KCNT2: variants seen among roughly 807,000 people sequenced by gnomAD.
The protein encoded by KCNT2 is potassium sodium-activated channel subfamily T member 2.
A neutral mutation model predicts 153.8 loss-of-function variants in KCNT2; 67 were observed. That is an observed-to-expected ratio of 0.44 (90% CI 0.36 to 0.53). KCNT2 has a LOEUF of 0.53. KCNT2 is among the 20% of genes least tolerant of loss of function. The pLI, the probability that KCNT2 is intolerant of heterozygous loss-of-function variation, is 0.00. For synonymous variants in KCNT2, 500 were observed against 458.8 expected (o/e 1.09, Z -1.15); for missense variants, 975 against 1,354.8 (o/e 0.72, Z 4.40).
chr1:196,244,288 A>G (rs548324603), intron 26 of KCNT2, among the ~76,000 whole-genome samples: 18 of 152,182 alleles, frequency 1.2e-4, no homozygotes, highest in Non-Finnish European at 2.5e-4. Flanking sequence ...GGTTATAGCA[A>G]GAGATTCCTT....
rs182513850 is a variant in KCNT2, at chr1:196,430,364, C to T, written c.639-607G>A. On this transcript the variant is annotated intron_variant, in intron 8 of 27. Transcript: ENST00000294725. ...AATGTTGGTATCCTGGGAATGGGCT[C>T]CCTCACAAGATCGATCTCTCTCTCT... Among the ~76,000 whole-genome samples the T allele has an allele frequency of 2.2e-3, 340 of 151,208 alleles. 5 individuals carry two copies. The highest frequency in any genetic ancestry group is 7.9e-3 in the African/African-American group (324 of 41,262).
chr1:196,288,107 T>C (rs1228868091), intron 22 of KCNT2, among the ~76,000 whole-genome samples: 1 of 151,032 alleles, frequency 6.6e-6, no homozygotes, highest in East Asian at 1.9e-4. Flanking sequence ...ATGTCCAGCA[T>C]GTTCTCTAGT....
chr1:196,604,375 A>T (rs10754198), intron 1 of KCNT2, among the ~76,000 whole-genome samples: 45,398 of 152,030 alleles, frequency 0.3, 6,987 homozygotes, highest in Admixed American at 0.39. Flanking sequence ...CAAACATTCA[A>T]ATATTAGCTG....
chr1:196,349,595 C>A (rs1247481601), intron 14 of KCNT2, among the ~76,000 whole-genome samples: 5 of 152,122 alleles, frequency 3.3e-5, no homozygotes. Context: ...CCTAGCGGTA[C>A]ACCCTATAGA....
chr1:196,597,268 T>C (rs1407641002), intron 1 of KCNT2, among the ~76,000 whole-genome samples: 1 of 142,696 alleles, frequency 7.0e-6, no homozygotes, highest in Non-Finnish European at 1.6e-5. Flanking sequence ...CCACCTACAC[T>C]AAAAAAAAAA....
intron 8 of KCNT2, among the ~76,000 whole-genome samples, chr1:196,446,330 TA>T (rs1485278088): frequency 6.6e-6 from 1 of 151,546 alleles, no homozygotes; most frequent in East Asian, 1.9e-4. Flanking sequence ...GTCATTATTC[TA>T]ATTGTCTTTA....
intron 1 of KCNT2, among the ~76,000 whole-genome samples, chr1:196,547,623 T>G (rs1657281654): frequency 6.6e-6 from 1 of 151,970 alleles, no homozygotes; most frequent in South Asian, 2.1e-4. Flanking sequence ...TCAGTAAAAT[T>G]CTTTCTTACC....
At position 196,593,309 on chromosome 1, in the gene KCNT2, T is replaced by C. The variant is rs868555464; in HGVS notation, c.95+14906A>G. Among the ~76,000 whole-genome samples the C allele has an allele frequency of 3.7e-3, 466 of 126,670 alleles. 3 individuals are homozygous for C. Among genetic ancestry groups the C allele is most frequent in the African/African-American group, 0.017 (450 of 26,666 alleles). The allele number at this position is 126,670 out of a possible 152,430, so 83.1% of individuals were successfully genotyped here. A position where few individuals can be genotyped will look rare whatever the true frequency, so the allele number is the denominator to read the frequency against. On this transcript the variant is annotated intron_variant, in intron 1 of 27. Transcript: ENST00000294725. Reference sequence around the variant, plus strand: ...ATCATATATATAATATATATATATATATACACACACACACACACACACACA... The same window carrying C: ...ATCATATATATAATATATATATATACATACACACACACACACACACACACA...
intron 9 of KCNT2, among the ~76,000 whole-genome samples, chr1:196,428,804 T>A (rs1168584895): frequency 6.6e-6 from 1 of 152,140 alleles, no homozygotes; most frequent in South Asian, 2.1e-4. Context: ...GCGGCCAAAG[T>A]TTTGCAATGG....
At chr1:196,492,235 C>T in intron 2 of KCNT2, 27 bp downstream of exon 2, 1 of 1,395,320 alleles carries the variant, frequency 7.2e-7, no homozygotes, top group Non-Finnish European at 9.4e-7. Context: ...TATGTACGAA[C>T]AGAGGGGAAT....
intron 1 of KCNT2, among the ~76,000 whole-genome samples, chr1:196,510,966 T>G (rs1681564152): frequency 6.6e-6 from 1 of 152,194 alleles, no homozygotes; most frequent in Non-Finnish European, 1.5e-5. Context: ...TAGAGGAAAT[T>G]GTTTTACCAC....
chr1:196,281,689 C>T (rs1250388680), intron 24 of KCNT2, among the ~76,000 whole-genome samples: 3 of 151,938 alleles, frequency 2.0e-5, no homozygotes, highest in Non-Finnish European at 2.9e-5. Flanking sequence ...GCATGATCAC[C>T]GTTTTTGTGG....
Position 196,315,970 on chromosome 1 carries a change from T to C in KCNT2, c.2405A>G (p.Asp802Gly). ...CTCGGCACTCATGGTGCTCTCTTTATCCACAACCACCATATTAGCAGCAAA... is the reference window on the plus strand; with the variant it reads ...CTCGGCACTCATGGTGCTCTCTTTACCCACAACCACCATATTAGCAGCAAA... Reference protein sequence around the residue: ...VTFAANMVVVDKESTMSAEED... With the variant: ...VTFAANMVVVGKESTMSAEED... The change falls in exon 21 of 28, where the codon GAT (aspartate) becomes GGT (glycine). Residue 802 changes from aspartate (D) to glycine (G), a missense_variant. Physicochemically the swap from Asp to Gly is moderately conservative, Grantham distance 94. Around this residue, in one of 6 missense-constraint regions of KCNT2, gnomAD observed 66 missense variants for 147.9 expected, o/e 0.45. Transcript: ENST00000294725. 6.2e-7 allele frequency: 1 copy of C among 1,610,624 alleles called. No individual in the cohort carries two copies. Among genetic ancestry groups the C allele is most frequent in the Non-Finnish European group, 8.5e-7 (1 of 1,177,840 alleles).
intron 1 of KCNT2, among the ~76,000 whole-genome samples, chr1:196,526,650 AC>A (rs1654253562): frequency 6.6e-6 from 1 of 151,994 alleles, no homozygotes; most frequent in Admixed American, 6.6e-5. Context: ...ATGGGGTTTC[AC>A]CATGTTGGCC....
intron 1 of KCNT2, among the ~76,000 whole-genome samples, chr1:196,536,432 C>T (rs1407613809): frequency 6.6e-6 from 1 of 152,254 alleles, no homozygotes; most frequent in African/African-American, 2.4e-5. Context: ...ATTGAGCACA[C>T]TGTCCACTTC....
intron 8 of KCNT2, among the ~76,000 whole-genome samples, chr1:196,442,335 A>T (rs565489903): frequency 6.6e-6 from 1 of 151,918 alleles, no homozygotes; most frequent in East Asian, 1.9e-4. Flanking sequence ...AATGTGAAAA[A>T]GTTTTGTTCT....
At chr1:196,307,912 G>A (rs757721194) in intron 21 of KCNT2, among the ~76,000 whole-genome samples, 5 of 151,970 alleles carry the variant, frequency 3.3e-5, no homozygotes, top group Non-Finnish European at 5.9e-5. Context: ...CCATATGGGA[G>A]TTTCAAAGTA....
intron 12 of KCNT2, among the ~76,000 whole-genome samples, chr1:196,414,317 C>A (rs1455511221): frequency 1.3e-5 from 2 of 151,652 alleles, no homozygotes; most frequent in Non-Finnish European, 3.0e-5. Flanking sequence ...CAAGATTAAT[C>A]AATTAAAAGT....
intron 5 of KCNT2, among the ~76,000 whole-genome samples, chr1:196,473,267 C>G: frequency 6.6e-6 from 1 of 152,122 alleles, no homozygotes; most frequent in East Asian, 1.9e-4. Flanking sequence ...AGGATCTGAC[C>G]CCCACATTAG....
Sources: gnomAD v4.1 joint callset for allele counts (sites outside exome capture counted in the v4.1 genomes callset) on GRCh38, gnomAD v4.1.1 for gene constraint, gnomAD v4.1.1 regional missense constraint, MANE v1.5 for transcripts, NCBI Gene and HGNC (gene_info 2026-07-23, HGNC 2026-07-21) for gene names.